Variants in CCDC141 observed in about 807,000 individuals in gnomAD.
CCDC141 encodes the protein coiled-coil domain containing 141.
A neutral mutation model predicts 181.0 loss-of-function variants in CCDC141; 168 were observed. The ratio of observed to expected loss-of-function variants is 0.93; its 90% CI spans 0.82 to 1.05. The LOEUF (loss-of-function observed/expected upper bound fraction) is 1.05. Ranked by LOEUF, CCDC141 falls within the 50% of genes least tolerant of loss-of-function variation. The pLI is 0.00. For missense variants in CCDC141, 1,902 were observed against 1,788.5 expected (o/e 1.06, Z -1.14); for synonymous variants, 666 against 642.3 (o/e 1.04, Z -0.56).
chr2:179,005,824 G>C (rs779582850), intron 2 of CCDC141, among the ~76,000 whole-genome samples: 1 of 152,094 alleles, frequency 6.6e-6, no homozygotes, highest in Non-Finnish European at 1.5e-5. Context: ...TGGCCAGGCT[G>C]GTCTCGAATT....
chr2:178,944,667 CAAAG>C lies in CCDC141; in HGVS notation c.781-20_781-17del. 2.5e-6 allele frequency: 3 copies of C among 1,181,110 alleles called. No individual in the cohort carries two copies. The highest frequency in any genetic ancestry group is 2.4e-6 in the Non-Finnish European group (2 of 841,030). 73.2% of individuals were successfully genotyped at this position (1,181,110 alleles called of 1,614,324 possible). ...AACAAGTAACCTAGGTAAAAGGCAA[CAAAG>C]AAAGATCAAAATTCAAATGATCAGA... On this transcript the variant is annotated splice_polypyrimidine_tract_variant and intron_variant, in intron 5 of 23. Coordinates refer to ENST00000443758, the MANE Select transcript of CCDC141 (RefSeq NM_173648.4).
In CCDC141 at chr2:179,033,213, T is replaced by C. The variant is rs991505293; in HGVS notation, c.225+14071A>G. 3.3e-5 allele frequency among the ~76,000 whole-genome samples: 5 copies of C among 151,204 alleles called. No individual in the cohort carries two copies. The East Asian group carries it at 9.6e-4, about 29-fold the overall frequency. ...CCACATCCACAGATTTGATAAACCA[T>C]GTATAAAAATATTCAGAAAGAAATA... is the stretch of plus-strand genomic sequence containing the variant. On this transcript the variant is annotated intron_variant, in intron 2 of 23. Transcript: ENST00000443758.
chr2:178,861,631 G>C (rs1027826535), intron 17 of CCDC141, among the ~76,000 whole-genome samples: 8 of 127,132 alleles, frequency 6.3e-5, no homozygotes, highest in African/African-American at 2.7e-4. Context: ...GTGAGACTCA[G>C]TCTCAAAAAA....
At chr2:179,018,580 C>T (rs2042609705) in intron 2 of CCDC141, among the ~76,000 whole-genome samples, 1 of 152,116 alleles carries the variant, frequency 6.6e-6, no homozygotes, top group Non-Finnish European at 1.5e-5. Flanking sequence ...CTATCTAAAA[C>T]CTGTGAGCCT....
At chr2:179,004,694 T>C (rs561538068) in intron 2 of CCDC141, among the ~76,000 whole-genome samples, 10 of 152,312 alleles carry the variant, frequency 6.6e-5, no homozygotes, top group East Asian at 1.9e-4. Flanking sequence ...CTAGTAAGTA[T>C]CTAAAATGCT....
At chr2:179,014,685 A>C (rs1373056753) in intron 2 of CCDC141, among the ~76,000 whole-genome samples, 2 of 152,080 alleles carry the variant, frequency 1.3e-5, no homozygotes, top group Non-Finnish European at 2.9e-5. Flanking sequence ...AGCATCACTA[A>C]TGATCAGGAA....
At chr2:179,033,167 T>C (rs1303220178) in intron 2 of CCDC141, among the ~76,000 whole-genome samples, 4 of 151,738 alleles carry the variant, frequency 2.6e-5, no homozygotes, top group African/African-American at 4.8e-5. Context: ...CCAATACATA[T>C]GGACAGTTGG....
At chr2:178,857,569 AG>A (rs976992746) in intron 17 of CCDC141, among the ~76,000 whole-genome samples, 6 of 152,350 alleles carry the variant, frequency 3.9e-5, no homozygotes, top group Admixed American at 1.3e-4. Flanking sequence ...TAAGCAGTGC[AG>A]TTCCATTAAA....
At chr2:178,851,806 T>C (rs1233761051) in intron 20 of CCDC141, among the ~76,000 whole-genome samples, 1 of 152,208 alleles carries the variant, frequency 6.6e-6, no homozygotes, top group East Asian at 1.9e-4. Context: ...AACTAGGTCT[T>C]AATTGTCTTT....
chr2:178,849,775 C>T (rs1685087692), intron 21 of CCDC141, among the ~76,000 whole-genome samples: 1 of 152,144 alleles, frequency 6.6e-6, no homozygotes, highest in Admixed American at 6.5e-5. Context: ...TAATGGGACA[C>T]ATTTTTTAGG....
intron 15 of CCDC141, among the ~76,000 whole-genome samples, chr2:178,868,439 C>T (rs984994917): frequency 6.6e-6 from 1 of 151,706 alleles, no homozygotes; most frequent in African/African-American, 2.4e-5. Context: ...TGGTCATGAC[C>T]CAAAACCTTA....
intron 19 of CCDC141, among the ~76,000 whole-genome samples, chr2:178,854,492 C>G (rs1685300406): frequency 6.6e-6 from 1 of 152,060 alleles, no homozygotes; most frequent in South Asian, 2.1e-4. Flanking sequence ...TCACTGCACT[C>G]CAGCCTGGGA....
intron 20 of CCDC141, 78 bp from the exon 21 acceptor site, chr2:178,850,239 C>T (rs1410567787): frequency 1.4e-6 from 1 of 735,164 alleles, no homozygotes; most frequent in East Asian, 2.5e-5. Context: ...AAATTCATCT[C>T]CCTGTCCAGT....
rs1008420893 is a variant in CCDC141 at position 179,050,137 on chromosome 2, C to T, written c.-196G>A. The T allele has an allele frequency of 1.1e-4, 82 of 742,940 alleles. No individual in the cohort carries two copies. Among genetic ancestry groups the T allele is most frequent in the African/African-American group, 5.3e-4 (30 of 56,528 alleles). 46.0% of individuals were successfully genotyped at this position (742,940 alleles called of 1,614,324 possible). A position where few individuals can be genotyped will look rare whatever the true frequency, so the allele number is the denominator to read the frequency against. Reference sequence around the variant, plus strand: ...GAGTTTATCGTGAGAGAGAAAGGAGCGAACGAGAGAGAATTGCCACGCCCC... The same window carrying T: ...GAGTTTATCGTGAGAGAGAAAGGAGTGAACGAGAGAGAATTGCCACGCCCC... On this transcript the variant is annotated 5_prime_UTR_variant, in exon 1 of 24. Transcript: ENST00000443758.
At chr2:179,023,795 A>G (rs2042754587) in intron 2 of CCDC141, among the ~76,000 whole-genome samples, 2 of 152,232 alleles carry the variant, frequency 1.3e-5, no homozygotes, top group Admixed American at 6.5e-5. Flanking sequence ...TGCAGGTGCC[A>G]AGTGCAAATG....
chr2:178,864,615 G>A (rs1174958159), intron 17 of CCDC141, among the ~76,000 whole-genome samples: 2 of 152,244 alleles, frequency 1.3e-5, no homozygotes, highest in East Asian at 3.9e-4. Flanking sequence ...AATCCAAGTA[G>A]CCACTCTTGC....
chr2:178,996,130 A>G (rs1314697621), intron 2 of CCDC141, among the ~76,000 whole-genome samples: 19 of 148,450 alleles, frequency 1.3e-4, no homozygotes, highest in Non-Finnish European at 2.4e-4. Flanking sequence ...TCTGTCACCC[A>G]TGCTGGAGTG....
chr2:178,990,473 A>G (rs1197861817), intron 2 of CCDC141, among the ~76,000 whole-genome samples: 1 of 151,586 alleles, frequency 6.6e-6, no homozygotes, highest in Non-Finnish European at 1.5e-5. Context: ...AAAATGTACT[A>G]TATCCATATG....
At chr2:178,944,387 T>A (rs2154377240) in intron 6 of CCDC141, 148 bp downstream of exon 6, 1 of 435,004 alleles carries the variant, frequency 2.3e-6, no homozygotes, top group African/African-American at 2.0e-5. Flanking sequence ...CAGTGGTATT[T>A]GCTAATGTTA....
Sources: gnomAD v4.1 joint callset for allele counts (sites outside exome capture counted in the v4.1 genomes callset) on GRCh38, gnomAD v4.1.1 for gene constraint, MANE v1.5 for transcripts, NCBI Gene and HGNC (gene_info 2026-07-23, HGNC 2026-07-21) for gene names.